Variants in CNTNAP4 observed in about 807,000 individuals in gnomAD.
CNTNAP4 encodes the protein contactin-associated protein-like 4.
A neutral mutation model predicts 148.4 loss-of-function variants in CNTNAP4; 98 were observed. The observed-to-expected ratio is 0.66, with a 90% CI of 0.56 to 0.78. The LOEUF (loss-of-function observed/expected upper bound fraction) is 0.78. Ranked by LOEUF, CNTNAP4 falls within the 30% of genes least tolerant of loss-of-function variation. The pLI is 0.00. For synonymous variants in CNTNAP4, 730 were observed against 565.1 expected (o/e 1.29, Z -4.14); for missense variants, 1,935 against 1,565.6 (o/e 1.24, Z -3.98).
chr16:76,294,312 G>C (rs537278863), intron 1 of CNTNAP4, among the ~76,000 whole-genome samples: 2 of 152,166 alleles, frequency 1.3e-5, no homozygotes, highest in South Asian at 4.1e-4. Context: ...TGACTTATTT[G>C]GTAACCTGTG....
chr16:76,485,993 C>A (rs1442999860), intron 12 of CNTNAP4, among the ~76,000 whole-genome samples: 3 of 152,210 alleles, frequency 2.0e-5, no homozygotes, highest in Non-Finnish European at 4.4e-5. Flanking sequence ...ACAAGCTTTG[C>A]AAGTGTATTG....
At chr16:76,385,736 C>A (rs1462709195) in intron 3 of CNTNAP4, among the ~76,000 whole-genome samples, 1 of 152,026 alleles carries the variant, frequency 6.6e-6, no homozygotes, top group Non-Finnish European at 1.5e-5. Flanking sequence ...CCTTGTTTTA[C>A]GTATGTTTCT....
At chr16:76,481,339 C>T (rs1488727371) in intron 12 of CNTNAP4, among the ~76,000 whole-genome samples, 1 of 152,172 alleles carries the variant, frequency 6.6e-6, no homozygotes, top group Non-Finnish European at 1.5e-5. Context: ...AACAAAATGA[C>T]TGCATTTTAA....
At chr16:76,345,667 A>G (rs1353677350) in intron 2 of CNTNAP4, among the ~76,000 whole-genome samples, 2 of 152,180 alleles carry the variant, frequency 1.3e-5, no homozygotes, top group African/African-American at 4.8e-5. Context: ...GGAAGATGGA[A>G]GTCCTGTCTT....
At chr16:76,294,509 G>A (rs1036246903) in intron 1 of CNTNAP4, among the ~76,000 whole-genome samples, 1 of 152,056 alleles carries the variant, frequency 6.6e-6, no homozygotes, top group East Asian at 1.9e-4. Context: ...TTGGGACTCT[G>A]GTTATTTTTC....
At chr16:76,552,342 C>G (rs1205498756) in intron 21 of CNTNAP4, among the ~76,000 whole-genome samples, 1 of 152,110 alleles carries the variant, frequency 6.6e-6, no homozygotes, top group African/African-American at 2.4e-5. Context: ...CAAACCATAT[C>G]AATAGTTGTG....
chr16:76,323,993 A>G (rs939538875), intron 2 of CNTNAP4, among the ~76,000 whole-genome samples: 1 of 152,166 alleles, frequency 6.6e-6, no homozygotes. Context: ...TACTCTTCTT[A>G]TGTGTAATAT....
At chr16:76,338,478 G>A (rs1321614584) in intron 2 of CNTNAP4, among the ~76,000 whole-genome samples, 3 of 152,108 alleles carry the variant, frequency 2.0e-5, no homozygotes, top group Non-Finnish European at 4.4e-5. Flanking sequence ...CTGCTTGGAA[G>A]GCTCCAATCC....
At chr16:76,546,360 C>T (rs886990845) in intron 21 of CNTNAP4, among the ~76,000 whole-genome samples, 2 of 152,186 alleles carry the variant, frequency 1.3e-5, no homozygotes, top group African/African-American at 4.8e-5. Context: ...TTTACAGCTG[C>T]TCCCCATTGC....
intron 3 of CNTNAP4, among the ~76,000 whole-genome samples, chr16:76,370,461 A>G (rs957918202): frequency 6.6e-6 from 1 of 152,152 alleles, no homozygotes; most frequent in African/African-American, 2.4e-5. Flanking sequence ...AGCCACTACC[A>G]AGTAGCAGCC....
chr16:76,340,161 AAC>A (rs1341863325), intron 2 of CNTNAP4, among the ~76,000 whole-genome samples: 5 of 152,144 alleles, frequency 3.3e-5, no homozygotes, highest in African/African-American at 1.2e-4. Flanking sequence ...CTTTTACCAA[AAC>A]AACTCTGGAA....
intron 2 of CNTNAP4, among the ~76,000 whole-genome samples, chr16:76,331,459 A>G (rs1963518159): frequency 6.7e-6 from 1 of 149,838 alleles, no homozygotes; most frequent in Admixed American, 6.6e-5. Flanking sequence ...AAGTGCTGAG[A>G]TTACAGGCGT....
intron 1 of CNTNAP4, among the ~76,000 whole-genome samples, chr16:76,304,052 A>G (rs1415854010): frequency 6.6e-6 from 1 of 152,204 alleles, no homozygotes; most frequent in Non-Finnish European, 1.5e-5. Context: ...CACTTAAAGC[A>G]GCAATCATAA....
intron 3 of CNTNAP4, among the ~76,000 whole-genome samples, chr16:76,423,563 A>G (rs147893414): frequency 6.9e-4 from 105 of 152,320 alleles, no homozygotes; most frequent in African/African-American, 2.2e-3. Context: ...TATGGCAACA[A>G]TTCTTCATAG....
intron 12 of CNTNAP4, among the ~76,000 whole-genome samples, chr16:76,480,078 G>A (rs1277277953): frequency 6.6e-6 from 1 of 151,960 alleles, no homozygotes; most frequent in Admixed American, 6.6e-5. Context: ...CCCATTACCG[G>A]CTTTAATACC....
intron 17 of CNTNAP4, among the ~76,000 whole-genome samples, chr16:76,532,489 G>A (rs939136764): frequency 6.6e-5 from 10 of 152,168 alleles, no homozygotes; most frequent in African/African-American, 9.7e-5. Flanking sequence ...ATTTAGTTAC[G>A]TTGTTACTGG....
rs145964014 is a variant in CNTNAP4, at chr16:76,347,308, C to T, written c.197-8010C>T. Among the ~76,000 whole-genome samples the T allele has an allele frequency of 2.9e-3, 438 of 152,156 alleles. 7 individuals are homozygous for T. Among genetic ancestry groups the T allele is most frequent in the African/African-American group, 9.9e-3 (412 of 41,526 alleles). ...ATAAATTTAGACCATGTTATACCCACGTGACTACAATTTTATTTCAATCTT... is the reference window on the plus strand; with the variant it reads ...ATAAATTTAGACCATGTTATACCCATGTGACTACAATTTTATTTCAATCTT... On this transcript the variant is annotated intron_variant, in intron 2 of 23. Transcript: ENST00000611870.
intron 9 of CNTNAP4, among the ~76,000 whole-genome samples, chr16:76,463,937 G>A (rs1046836160): frequency 4.6e-5 from 7 of 152,122 alleles, no homozygotes; most frequent in Non-Finnish European, 8.8e-5. Flanking sequence ...AGTTTACTTA[G>A]GTATCTCTGT....
intron 1 of CNTNAP4, among the ~76,000 whole-genome samples, chr16:76,278,508 T>C (rs571177130): frequency 1.3e-5 from 2 of 152,352 alleles, no homozygotes; most frequent in Admixed American, 6.5e-5. Context: ...AATTTAGATA[T>C]CATCCATAAT....
Sources: gnomAD v4.1 joint callset for allele counts (sites outside exome capture counted in the v4.1 genomes callset) on GRCh38, gnomAD v4.1.1 for gene constraint, MANE v1.5 for transcripts, NCBI Gene and HGNC (gene_info 2026-07-23, HGNC 2026-07-21) for gene names.